Variants in UST observed in about 807,000 individuals in gnomAD.
The protein encoded by UST is uronyl 2-sulfotransferase.
Under a neutral mutation model 45.6 loss-of-function variants are expected in UST, and 21 were observed. That is an observed-to-expected ratio of 0.46 (90% CI 0.33 to 0.66). The LOEUF is 0.66. Among genes scored for constraint, UST ranks in the 30% least tolerant of loss-of-function variants. The pLI is 0.02. For synonymous variants in UST, 215 were observed against 200.6 expected (o/e 1.07, Z -0.61); for missense variants, 463 against 512.4 (o/e 0.90, Z 0.93).
At chr6:148,814,596 C>T (rs1033047674) in intron 1 of UST, among the ~76,000 whole-genome samples, 1 of 151,262 alleles carries the variant, frequency 6.6e-6, no homozygotes, top group African/African-American at 2.4e-5. Context: ...AGCTCTTAAC[C>T]CTGCAGCTGA....
intron 1 of UST, among the ~76,000 whole-genome samples, chr6:148,801,491 T>C (rs1005649922): frequency 6.6e-6 from 1 of 152,192 alleles, no homozygotes; most frequent in African/African-American, 2.4e-5. Flanking sequence ...TTTTTCTTTT[T>C]TCTTTCTTTC....
At chr6:148,839,634 T>G (rs1482390954) in intron 1 of UST, among the ~76,000 whole-genome samples, 1 of 152,214 alleles carries the variant, frequency 6.6e-6, no homozygotes, top group African/African-American at 2.4e-5. Flanking sequence ...CAGAGTCACT[T>G]GGGAAGATTT....
intron 7 of UST, among the ~76,000 whole-genome samples, chr6:149,042,661 A>G (rs1057496919): frequency 2.0e-5 from 3 of 152,236 alleles, no homozygotes; most frequent in Non-Finnish European, 4.4e-5. Context: ...GCAGATTTTC[A>G]GTAGTACTTT....
chr6:148,927,191 A>AG (rs1034395317), intron 2 of UST, among the ~76,000 whole-genome samples: 2 of 151,800 alleles, frequency 1.3e-5, no homozygotes, highest in African/African-American at 4.8e-5. Flanking sequence ...AGAGAGAGAA[A>AG]GGGGAGGGAA....
intron 7 of UST, among the ~76,000 whole-genome samples, chr6:149,030,567 T>C (rs1235661361): frequency 6.6e-6 from 1 of 152,172 alleles, no homozygotes; most frequent in Non-Finnish European, 1.5e-5. Context: ...GGAATCATCA[T>C]AGATGATTGT....
At chr6:148,810,463 A>G (rs1777235047) in intron 1 of UST, among the ~76,000 whole-genome samples, 2 of 152,264 alleles carry the variant, frequency 1.3e-5, no homozygotes, top group South Asian at 2.1e-4. Context: ...TTCCGTTTCT[A>G]TTACTTAAAT....
At chr6:148,988,394 C>T (rs1440463077) in intron 5 of UST, among the ~76,000 whole-genome samples, 1 of 151,716 alleles carries the variant, frequency 6.6e-6, no homozygotes, top group African/African-American at 2.4e-5. Context: ...GCTAACATGA[C>T]GAAACCCTGA....
At chr6:148,946,529 A>AAAAAAAAAAAG in intron 3 of UST, among the ~76,000 whole-genome samples, 1 of 135,330 alleles carries the variant, frequency 7.4e-6, no homozygotes. Flanking sequence ...AAAAAAAAAA[A>AAAAAAAAAAAG]GGCCGGGTGC....
intron 1 of UST, among the ~76,000 whole-genome samples, chr6:148,846,397 T>A (rs1396718799): frequency 6.6e-6 from 1 of 150,810 alleles, no homozygotes; most frequent in Non-Finnish European, 1.5e-5. Context: ...AATTGAACAA[T>A]GAGAACACAT....
chr6:149,000,390 C>T (rs1432201187), intron 5 of UST, among the ~76,000 whole-genome samples: 1 of 151,982 alleles, frequency 6.6e-6, no homozygotes, highest in Non-Finnish European at 1.5e-5. Flanking sequence ...GACTCAGGAC[C>T]CGGGAGTCCG....
At chr6:148,794,288 C>T (rs886362079) in intron 1 of UST, among the ~76,000 whole-genome samples, 23 of 152,150 alleles carry the variant, frequency 1.5e-4, no homozygotes, top group Non-Finnish European at 1.5e-5. Context: ...CCTTCTCTTT[C>T]CTCAGAACAG....
chr6:148,976,560 G>A (rs980072716), intron 5 of UST, among the ~76,000 whole-genome samples: 2 of 152,150 alleles, frequency 1.3e-5, no homozygotes, highest in East Asian at 1.9e-4. Context: ...TGCACACCAT[G>A]TCATCATACG....
At chr6:148,992,612 A>T (rs1327901049) in intron 5 of UST, among the ~76,000 whole-genome samples, 2 of 152,188 alleles carry the variant, frequency 1.3e-5, no homozygotes, top group African/African-American at 4.8e-5. Context: ...TATTTGCATG[A>T]AAACTTGGTT....
intron 2 of UST, among the ~76,000 whole-genome samples, chr6:148,925,683 A>C (rs1166046122): frequency 6.6e-6 from 1 of 152,242 alleles, no homozygotes; most frequent in Non-Finnish European, 1.5e-5. Flanking sequence ...ACTTGGATGC[A>C]AGTGACCCTT....
intron 5 of UST, chr6:148,993,045 G>T (rs1363799564): frequency 7.1e-6 from 7 of 985,272 alleles, no homozygotes; most frequent in Non-Finnish European, 8.4e-6. Context: ...ATCCCAACTG[G>T]CAAGGAGGAG....
intron 2 of UST, among the ~76,000 whole-genome samples, chr6:148,889,190 G>A (rs1254804578): frequency 6.6e-6 from 1 of 152,234 alleles, no homozygotes; most frequent in African/African-American, 2.4e-5. Context: ...TTTCTCACAA[G>A]CTCCCACATG....
chr6:148,817,472 A>G (rs866091978), intron 1 of UST, among the ~76,000 whole-genome samples: 1 of 152,242 alleles, frequency 6.6e-6, no homozygotes, highest in Middle Eastern at 3.4e-3. Context: ...GCTTGGTTTT[A>G]TACATTTAGG....
chr6:148,827,283 AG>A (rs1464632367), intron 1 of UST, among the ~76,000 whole-genome samples: 3 of 152,112 alleles, frequency 2.0e-5, no homozygotes, highest in Non-Finnish European at 4.4e-5. Flanking sequence ...AAATTACGTG[AG>A]ATTTGTTCTT....
chr6:148,825,181 C>T (rs998171664), intron 1 of UST, among the ~76,000 whole-genome samples: 2 of 152,144 alleles, frequency 1.3e-5, no homozygotes, highest in African/African-American at 4.8e-5. Flanking sequence ...GAGAGACAGG[C>T]AGTGGACACC....
Sources: allele counts gnomAD v4.1 joint callset (sites outside exome capture counted in the v4.1 genomes callset), GRCh38; gene constraint gnomAD v4.1.1; transcripts MANE v1.5; gene names NCBI Gene and HGNC (gene_info 2026-07-23, HGNC 2026-07-21).